INSC: variants seen among roughly 807,000 people sequenced by gnomAD.
The protein encoded by INSC is INSC spindle orientation adaptor protein.
Under a neutral mutation model 58.6 loss-of-function variants are expected in INSC, and 67 were observed. That is an observed-to-expected ratio of 1.14 (90% CI 0.94 to 1.40). The LOEUF is 1.40. Ranked by LOEUF, INSC falls within the 40% of genes most tolerant of loss-of-function variation. The probability of loss-of-function intolerance (pLI) is 0.00; values close to 1 mark genes in which losing one functional copy is unlikely to be tolerated. For synonymous variants in INSC, 262 were observed against 276.1 expected (o/e 0.95, Z 0.51); for missense variants, 714 against 692.0 (o/e 1.03, Z -0.36).
Position 15,179,868 on chromosome 11 carries a change from C to T in INSC, c.579+1421C>T, listed in dbSNP as rs943883879. ...TTGGAGTTAGTGGTGGAGAGGGAGA[C>T]CTGGAGCAACTTCTGAGCAGGGGTA... On this transcript the variant is annotated intron_variant, in intron 5 of 12. Coordinates refer to ENST00000379556, the MANE Select transcript of INSC (RefSeq NM_001042536.3). Among the ~76,000 whole-genome samples, 4 of 152,314 alleles carry T rather than the reference C, an allele frequency of 2.6e-5. No homozygotes were observed. In the East Asian group the frequency reaches 7.7e-4, roughly 29 times the overall value.
intron 9 of INSC, among the ~76,000 whole-genome samples, chr11:15,230,022 A>ATATATATATTATAT (rs1564918012): frequency 2.0e-4 from 12 of 58,832 alleles, no homozygotes; most frequent in African/African-American, 8.3e-4. Flanking sequence ...TAATATATAT[A>ATATATATATTATAT]TATATATATA....
rs373383678 is a variant in INSC, at chr11:15,192,380, C to T, written c.693+1566C>T. On this transcript the variant is annotated intron_variant, in intron 6 of 12. Transcript: ENST00000379556. ...GAAAACTCTTACTCAGCATTCCACA[C>T]TCAATTCTGTATTCTTCTTTATTGC... Among the ~76,000 whole-genome samples, 7 of 152,356 alleles carry T rather than the reference C, an allele frequency of 4.6e-5. No individual in the cohort carries two copies. The South Asian group carries it at 1.2e-3, about 27-fold the overall frequency.
chr11:15,126,656 A>G (rs1260922836), intron 1 of INSC, among the ~76,000 whole-genome samples: 1 of 152,254 alleles, frequency 6.6e-6, no homozygotes, highest in African/African-American at 2.4e-5. Context: ...CATTGAACTC[A>G]TGCTGGAGGA....
chr11:15,236,871 C>A (rs1852152433), intron 10 of INSC, among the ~76,000 whole-genome samples: 1 of 152,306 alleles, frequency 6.6e-6, no homozygotes, highest in Middle Eastern at 3.4e-3. Flanking sequence ...TGAAGGACAT[C>A]ATTTTGTGTT....
intron 5 of INSC, among the ~76,000 whole-genome samples, chr11:15,180,688 G>T (rs1167548417): frequency 5.1e-5 from 5 of 97,498 alleles, no homozygotes; most frequent in African/African-American, 2.0e-4. Context: ...GGAGTGAGGG[G>T]GGGGGCGGGG....
Position 15,135,013 on chromosome 11 carries a change from G to A in INSC, c.-45-14117G>A, listed in dbSNP as rs144167006. ...ACCACTTTCTTTATTCCTATTTGGA[G>A]GGAGAAATTAGTGTAAGTTAGGGTG... is the stretch of plus-strand genomic sequence containing the variant. On this transcript the variant is annotated intron_variant, in intron 1 of 12. Transcript: ENST00000379556. Among the ~76,000 whole-genome samples the A allele has an allele frequency of 9.1e-4, 138 of 152,148 alleles. 6 individuals are homozygous for A. Among genetic ancestry groups the A allele is most frequent in the East Asian group, 8.7e-3 (45 of 5,182 alleles).
At chr11:15,194,668 A>G (rs901087995) in intron 6 of INSC, among the ~76,000 whole-genome samples, 3 of 152,204 alleles carry the variant, frequency 2.0e-5, no homozygotes, top group African/African-American at 7.2e-5. Context: ...TCACAAAACC[A>G]TCCTATGAAG....
chr11:15,254,220 C>A, the INSC span, among the ~76,000 whole-genome samples: 2 of 152,056 alleles, frequency 1.3e-5, no homozygotes, highest in African/African-American at 4.8e-5. Context: ...GAATCCATAT[C>A]TCTTTGACTT....
At position 15,201,037 on chromosome 11, in the gene INSC, C is replaced by T. The variant is rs1850570903; in HGVS notation, c.819+88C>T. The T allele has an allele frequency of 2.0e-6, 3 of 1,477,404 alleles. No individual in the cohort carries two copies. The South Asian group carries it at 3.8e-5, about 19-fold the overall frequency. 91.5% of individuals were successfully genotyped at this position (1,477,404 alleles called of 1,614,324 possible). On this transcript the variant is annotated intron_variant, in intron 7 of 12. Coordinates refer to ENST00000379556, the MANE Select transcript of INSC (RefSeq NM_001042536.3). Reference sequence around the variant, plus strand: ...CTCATGATGGCCATCTGTTCCTTTTCATGGACCAAGTGCCTCGAGTAGTCC... The same window carrying T: ...CTCATGATGGCCATCTGTTCCTTTTTATGGACCAAGTGCCTCGAGTAGTCC...
At position 15,225,769 on chromosome 11, in the gene INSC, G is replaced by A; in HGVS notation, c.1111G>A (p.Val371Ile). The change falls in exon 9 of 13, where the codon GTT becomes ATT. Residue 371 changes from valine to isoleucine, a missense_variant. Transcript: ENST00000379556. Reference sequence around the variant, plus strand: ...GCTCCTGCAGTTGAATGCCATCCGTGTTCTCCTGGAAGCCTGCAGTGACAA... The same window carrying A: ...GCTCCTGCAGTTGAATGCCATCCGTATTCTCCTGGAAGCCTGCAGTGACAA... ...EMLLQLNAIR[V>I]LLEACSDKQR... 1 of 1,614,022 alleles carries A rather than the reference G, an allele frequency of 6.2e-7. No individual in the cohort carries two copies. The highest frequency in any genetic ancestry group is 8.5e-7 in the Non-Finnish European group (1 of 1,179,960).
In INSC at chr11:15,118,585, G is replaced by A. The variant is rs529150432; in HGVS notation, c.-46+3582G>A. Among the ~76,000 whole-genome samples, 26 of 152,284 alleles carry A rather than the reference G, an allele frequency of 1.7e-4. 1 individual carries two copies. The highest frequency in any genetic ancestry group is 7.2e-5 in the African/African-American group (3 of 41,562). On this transcript the variant is annotated intron_variant, in intron 1 of 12. Transcript: ENST00000379556. ...GGTAGGAAAGAGGAAATCCCCTGTG[G>A]CCTGGTACTGAGTAATGTGCTGGTG...
the INSC span, among the ~76,000 whole-genome samples, chr11:15,262,245 A>G: frequency 6.6e-6 from 1 of 152,150 alleles, no homozygotes; most frequent in Non-Finnish European, 1.5e-5. Context: ...AATGGAAAAC[A>G]GTGAATAAGT....
At chr11:15,151,340 C>T (rs1848644041) in intron 2 of INSC, among the ~76,000 whole-genome samples, 1 of 152,172 alleles carries the variant, frequency 6.6e-6, no homozygotes, top group Non-Finnish European at 1.5e-5. Context: ...TTCCACTAAA[C>T]CAGTCCCTGG....
intron 12 of INSC, chr11:15,241,676 T>C (rs1852362157): frequency 2.8e-6 from 2 of 702,416 alleles, no homozygotes; most frequent in African/African-American, 3.5e-5. Context: ...TCTTTGGTAC[T>C]CTGGTGAAGC....
intron 7 of INSC, among the ~76,000 whole-genome samples, chr11:15,215,081 C>T (rs947541744): frequency 7.9e-5 from 12 of 152,184 alleles, no homozygotes; most frequent in Non-Finnish European, 1.3e-4. Flanking sequence ...TCTCAGCATT[C>T]GCCAGCCCCT....
At chr11:15,252,795 C>T in the INSC span, among the ~76,000 whole-genome samples, 8 of 152,314 alleles carry the variant, frequency 5.3e-5, no homozygotes, top group East Asian at 5.8e-4. Flanking sequence ...TATTTTAAAA[C>T]CACCACATTG....
At chr11:15,167,963 C>T (rs532965830) in intron 2 of INSC, among the ~76,000 whole-genome samples, 40 of 152,274 alleles carry the variant, frequency 2.6e-4, no homozygotes, top group African/African-American at 8.9e-4. Flanking sequence ...TCTCCTCTCC[C>T]GAGCTGTAGG....
At chr11:15,220,196 C>T (rs905141599) in intron 7 of INSC, among the ~76,000 whole-genome samples, 3 of 152,202 alleles carry the variant, frequency 2.0e-5, no homozygotes, top group Non-Finnish European at 4.4e-5. Flanking sequence ...AGCTGAGTGG[C>T]AGGAAGACGC....
intron 7 of INSC, among the ~76,000 whole-genome samples, chr11:15,207,668 T>C (rs953736029): frequency 6.6e-6 from 1 of 152,200 alleles, no homozygotes; most frequent in Non-Finnish European, 1.5e-5. Flanking sequence ...GGAGGCTCTG[T>C]GGCCCCAGCT....
Sources: gnomAD v4.1 joint callset for allele counts (sites outside exome capture counted in the v4.1 genomes callset) on GRCh38, gnomAD v4.1.1 for gene constraint, MANE v1.5 for transcripts, NCBI Gene and HGNC (gene_info 2026-07-23, HGNC 2026-07-21) for gene names.